MCTP1: variants seen among roughly 807,000 people sequenced by gnomAD.
The protein encoded by MCTP1 is multiple C2 and transmembrane domain containing 1, also known as multiple C2 and transmembrane domain-containing protein 1.
In MCTP1, 69 loss-of-function variants were observed where a neutral mutation model predicts 120.6. The ratio of observed to expected loss-of-function variants is 0.57; its 90% confidence interval spans 0.47 to 0.70. The LOEUF is 0.70. Ranked by LOEUF, MCTP1 falls within the 30% of genes least tolerant of loss-of-function variation. MCTP1 has a pLI of 0.00. For missense variants in MCTP1, 1,203 were observed against 1,248.8 expected, an observed-to-expected ratio of 0.96 and a Z score of 0.55; for synonymous variants, 529 against 493.1, an observed-to-expected ratio of 1.07 and a Z score of -0.96.
At chr5:94,831,931 C>T (rs552916665) in intron 17 of MCTP1, among the ~76,000 whole-genome samples, 17 of 152,152 alleles carry the variant, frequency 1.1e-4, no homozygotes, top group African/African-American at 3.4e-4. Context: ...AATCTGTTAA[C>T]GCTAATAATA....
Position 94,951,543 on chromosome 5 carries a change from T to C in MCTP1, c.981+1676A>G, listed in dbSNP as rs1426215654. On this transcript the variant is annotated intron_variant, in intron 3 of 22. Coordinates refer to ENST00000515393, the MANE Select transcript of MCTP1 (RefSeq NM_024717.7). ...AACAGCCTGTTGCTGTCCTTATTAA[T>C]ACCTGCTTTCTTTCCTGACCATTTT... Among the ~76,000 whole-genome samples, 3 of 152,306 alleles carry C rather than the reference T, an allele frequency of 2.0e-5. No individual in the cohort carries two copies. The East Asian group carries it at 5.8e-4, about 29-fold the overall frequency.
chr5:94,717,144 T>C (rs1561520420), intron 19 of MCTP1, among the ~76,000 whole-genome samples: 4 of 152,156 alleles, frequency 2.6e-5, no homozygotes, highest in African/African-American at 9.6e-5. Context: ...ATACATTCCA[T>C]ATTAATGTTA....
At chr5:95,189,247 A>G (rs757549571) in intron 1 of MCTP1, among the ~76,000 whole-genome samples, 1 of 152,174 alleles carries the variant, frequency 6.6e-6, no homozygotes, top group Non-Finnish European at 1.5e-5. Context: ...AAATAAAACT[A>G]ATCAATGGTG....
chr5:95,129,351 A>T (rs1207239744), intron 1 of MCTP1, among the ~76,000 whole-genome samples: 4 of 152,210 alleles, frequency 2.6e-5, no homozygotes, highest in African/African-American at 9.7e-5. Context: ...GTTCTCCTAG[A>T]TGGTTCATCA....
At chr5:95,274,970 C>T (rs1246167444) in intron 1 of MCTP1, among the ~76,000 whole-genome samples, 1 of 152,132 alleles carries the variant, frequency 6.6e-6, no homozygotes, top group African/African-American at 2.4e-5. Context: ...TCCACATACC[C>T]CCGCAACCAC....
chr5:94,715,363 C>CAAAAAAAAAAAA (rs35567390), intron 19 of MCTP1, among the ~76,000 whole-genome samples: 2 of 70,526 alleles, frequency 2.8e-5, no homozygotes, highest in African/African-American at 1.1e-4. Context: ...ATGAAAACTA[C>CAAAAAAAAAAAA]AAAAAAAAAA....
chr5:95,132,011 G>T (rs930303649), intron 1 of MCTP1, among the ~76,000 whole-genome samples: 2 of 152,210 alleles, frequency 1.3e-5, no homozygotes. Context: ...ACCTTATATA[G>T]TTTACTTTTC....
intron 17 of MCTP1, among the ~76,000 whole-genome samples, chr5:94,859,007 G>T (rs147824377): frequency 8.2e-4 from 125 of 151,722 alleles, no homozygotes; most frequent in Middle Eastern, 3.4e-3. Context: ...GTGTTCCAAG[G>T]TCTAAGCATC....
chr5:94,779,208 G>A (rs925420178), intron 18 of MCTP1, 45 bp from the exon 19 acceptor site: 2 of 1,536,972 alleles, frequency 1.3e-6, no homozygotes, highest in African/African-American at 2.7e-5. Context: ...TTAAAGGAGA[G>A]AATTTTGTTC....
At chr5:94,893,148 A>T (rs1309956647) in intron 11 of MCTP1, among the ~76,000 whole-genome samples, 1 of 152,238 alleles carries the variant, frequency 6.6e-6, no homozygotes, top group African/African-American at 2.4e-5. Flanking sequence ...GGAAACAAAT[A>T]TTCAAATTCT....
intron 17 of MCTP1, among the ~76,000 whole-genome samples, chr5:94,850,222 C>A (rs776039087): frequency 6.6e-6 from 1 of 152,140 alleles, no homozygotes; most frequent in Non-Finnish European, 1.5e-5. Context: ...AACCGTTCTG[C>A]GGTCTCCCAC....
At chr5:95,164,907 C>T (rs760895578) in intron 1 of MCTP1, among the ~76,000 whole-genome samples, 1 of 152,200 alleles carries the variant, frequency 6.6e-6, no homozygotes, top group African/African-American at 2.4e-5. Flanking sequence ...TTCAAGAACC[C>T]AAACTCCTCT....
chr5:95,027,642 C>A (rs1206456390), intron 1 of MCTP1, among the ~76,000 whole-genome samples: 1 of 152,102 alleles, frequency 6.6e-6, no homozygotes, highest in Non-Finnish European at 1.5e-5. Context: ...ACAGTAATGA[C>A]AATATTGGAC....
At chr5:94,721,984 T>A (rs1156240219) in intron 19 of MCTP1, among the ~76,000 whole-genome samples, 2 of 152,088 alleles carry the variant, frequency 1.3e-5, no homozygotes, top group Admixed American at 1.3e-4. Context: ...CTATACAATA[T>A]TTCTAAAAGC....
At chr5:95,099,887 T>C (rs1582248457) in intron 1 of MCTP1, among the ~76,000 whole-genome samples, 2 of 150,868 alleles carry the variant, frequency 1.3e-5, no homozygotes, top group African/African-American at 4.9e-5. Flanking sequence ...TGTCCAACAA[T>C]GATAGACTGG....
At chr5:94,780,442 C>A (rs1055768559) in intron 18 of MCTP1, among the ~76,000 whole-genome samples, 2 of 152,068 alleles carry the variant, frequency 1.3e-5, no homozygotes, top group Non-Finnish European at 2.9e-5. Context: ...AACCCAAACA[C>A]AAACCTCCAG....
At chr5:95,047,622 C>T (rs1744892352) in intron 1 of MCTP1, among the ~76,000 whole-genome samples, 1 of 152,098 alleles carries the variant, frequency 6.6e-6, no homozygotes. Flanking sequence ...GTCCTCCTAG[C>T]ATATGAACAT....
At chr5:94,714,722 C>A in intron 20 of MCTP1, 55 bp downstream of exon 20, 1 of 1,065,640 alleles carries the variant, frequency 9.4e-7, no homozygotes, top group Non-Finnish European at 1.5e-6. Context: ...CTCCAAGAAA[C>A]AAATGGACAC....
chr5:95,007,670 A>G (rs1381197643), intron 2 of MCTP1, among the ~76,000 whole-genome samples: 2 of 152,210 alleles, frequency 1.3e-5, no homozygotes, highest in African/African-American at 4.8e-5. Flanking sequence ...TATTTTTCTC[A>G]GATCTGGCTG....
Sources: allele counts gnomAD v4.1 joint callset (sites outside exome capture counted in the v4.1 genomes callset), GRCh38; gene constraint gnomAD v4.1.1; transcripts MANE v1.5; gene names NCBI Gene and HGNC (gene_info 2026-07-23, HGNC 2026-07-21).